The following KMT5A variants were observed in gnomAD, a reference collection of about 807,000 sequenced individuals.
The protein encoded by KMT5A is lysine methyltransferase 5A.
KMT5A carries 6 observed loss-of-function variants against 40.6 expected under a neutral mutation model. The ratio of observed to expected loss-of-function variants is 0.15; its 90% confidence interval spans 0.08 to 0.29. The LOEUF is 0.29. Among genes scored for constraint, KMT5A ranks in the 10% least tolerant of loss-of-function variants. KMT5A has a pLI of 1.00. For missense variants in KMT5A, 308 were observed against 459.1 expected (o/e 0.67, Z 3.01); for synonymous variants, 153 against 178.8 (o/e 0.86, Z 1.15).
In KMT5A at chr12:123,384,618, C is replaced by G. The variant is rs944319111; in HGVS notation, c.10+410C>G. The stretch of plus-strand genomic sequence containing the variant: ...CTCTCTCTTTGGGAAAGGAGGTGAT[C>G]CCGAGGCGAAGGCGCAGATCGATAA... On this transcript the variant is annotated intron_variant, in intron 1 of 7. Transcript: ENST00000402868. The surrounding 1 kb of genome is among the most constrained non-coding windows in gnomAD (Gnocchi z 5.7). Among the ~76,000 whole-genome samples, 1 of 152,258 alleles carries G rather than the reference C, an allele frequency of 6.6e-6. No individual in the cohort carries two copies. Among genetic ancestry groups the G allele is most frequent in the African/African-American group, 2.4e-5 (1 of 41,468 alleles).
In KMT5A at chr12:123,384,380, C is replaced by A. The variant is rs1387623213; in HGVS notation, c.10+172C>A. ...GCTGCTGCGGAACCCGCCGGCCCCC[C>A]CTTGCGGCTCCAGATGCCCCCAGAA... On this transcript the variant is annotated intron_variant, in intron 1 of 7. Coordinates refer to ENST00000402868, the MANE Select transcript of KMT5A (RefSeq NM_020382.7). This position sits in a 1 kb window ranked among gnomAD's most constrained non-coding sequence, Gnocchi z 5.7. Among the ~76,000 whole-genome samples the A allele has an allele frequency of 6.6e-6, 1 of 152,192 alleles. No individual in the cohort carries two copies.
intron 5 of KMT5A, among the ~76,000 whole-genome samples, chr12:123,403,110 T>G (rs544254796): frequency 4.3e-4 from 65 of 152,294 alleles, no homozygotes; most frequent in African/African-American, 1.4e-3. Flanking sequence ...TTTACCTATT[T>G]GCCAGGCTGG....
chr12:123,407,153 T>A (rs1878617045), intron 7 of KMT5A, among the ~76,000 whole-genome samples: 1 of 145,140 alleles, frequency 6.9e-6, no homozygotes, highest in Non-Finnish European at 1.5e-5. Context: ...GCCTGAGCAA[T>A]ATAGGGAGAT....
intron 1 of KMT5A, chr12:123,389,143 G>GCA (rs1212189880): frequency 7.8e-4 from 2 of 2,548 alleles, no homozygotes; most frequent in Non-Finnish European, 1.7e-3. Context: ...GCGGCGGCGA[G>GCA]GGCGCGGGGC....
At chr12:123,388,852 G>A (rs1387155585) in intron 1 of KMT5A, 2 of 149,372 alleles carry the variant, frequency 1.3e-5, no homozygotes, top group Non-Finnish European at 3.0e-5. Context: ...CGCCCGAGCC[G>A]GGATTCGCCG....
Position 123,384,174 on chromosome 12 carries a change from T to C in KMT5A, c.-25T>C, listed in dbSNP as rs763282613. On this transcript the variant is annotated 5_prime_UTR_variant, in exon 1 of 8. Coordinates refer to ENST00000402868, the MANE Select transcript of KMT5A (RefSeq NM_020382.7). The surrounding 1 kb of genome is among the most constrained non-coding windows in gnomAD (Gnocchi z 5.7). Reference sequence around the variant, plus strand: ...TTCGAAAGCTGGGTTTCCCGGGAGATCCCAGGCGGTGACAGAGTGGAGCCA... The same window carrying C: ...TTCGAAAGCTGGGTTTCCCGGGAGACCCCAGGCGGTGACAGAGTGGAGCCA... 1.2e-6 allele frequency: 2 copies of C among 1,613,494 alleles called. No individual in the cohort carries two copies. The highest frequency in any genetic ancestry group is 8.5e-7 in the Non-Finnish European group (1 of 1,179,686).
intron 5 of KMT5A, among the ~76,000 whole-genome samples, chr12:123,397,812 A>G (rs570495384): frequency 6.7e-6 from 1 of 148,184 alleles, no homozygotes; most frequent in African/African-American, 2.5e-5. Flanking sequence ...GACTACAGGC[A>G]TTCGCCACCA....
intron 5 of KMT5A, among the ~76,000 whole-genome samples, chr12:123,397,768 G>A (rs1376080483): frequency 6.7e-6 from 1 of 150,234 alleles, no homozygotes; most frequent in Non-Finnish European, 1.5e-5. Flanking sequence ...TTGGGTTCAA[G>A]TGATTCTCCT....
chr12:123,397,486 ATTCT>A (rs1797171991), intron 5 of KMT5A, among the ~76,000 whole-genome samples: 1 of 152,116 alleles, frequency 6.6e-6, no homozygotes, highest in African/African-American at 2.4e-5. Flanking sequence ...GTGGTCTAGT[ATTCT>A]TTCTCTTTTT....
In KMT5A at chr12:123,392,555, T is replaced by G. The variant is rs922913113; in HGVS notation, c.289+1769T>G. On this transcript the variant is annotated intron_variant, in intron 3 of 7. Transcript: ENST00000402868. ...GGCATGCATCTGTAGTCCCAGCTGC[T>G]TGGGAGGCTAAGGCAGGAGGATCCC... 2.0e-5 allele frequency among the ~76,000 whole-genome samples: 3 copies of G among 152,086 alleles called. No individual in the cohort carries two copies. In the East Asian group the frequency reaches 5.8e-4, roughly 29 times the overall value.
chr12:123,403,663 G>A (rs1878340384), intron 6 of KMT5A, 31 bp downstream of exon 6: 1 of 1,613,694 alleles, frequency 6.2e-7, no homozygotes, highest in African/African-American at 1.3e-5. Context: ...CTGCATCATA[G>A]CTAAAGCTGG....
Position 123,384,135 on chromosome 12 carries a change from T to C in KMT5A, c.-64T>C, listed in dbSNP as rs998550616. On this transcript the variant is annotated 5_prime_UTR_variant, in exon 1 of 8. Coordinates refer to ENST00000402868, the MANE Select transcript of KMT5A (RefSeq NM_020382.7). The surrounding 1 kb of genome is among the most constrained non-coding windows in gnomAD (Gnocchi z 5.7). Reference sequence around the variant, plus strand: ...GAGCCCGGCGGAGCAGTTGGCTGAGTTGTTGCAACTTTTTTCGAAAGCTGG... The same window carrying C: ...GAGCCCGGCGGAGCAGTTGGCTGAGCTGTTGCAACTTTTTTCGAAAGCTGG... The C allele has an allele frequency of 6.2e-7, 1 of 1,601,908 alleles. No homozygotes were observed. The highest frequency in any genetic ancestry group is 1.7e-5 in the Admixed American group (1 of 58,772).
intron 5 of KMT5A, among the ~76,000 whole-genome samples, chr12:123,401,472 A>C (rs28861152): frequency 0.076 from 11,558 of 151,158 alleles, 524 homozygotes; most frequent in South Asian, 0.11. Context: ...CTTATCTTTC[A>C]TATCTTTTAA....
In KMT5A at chr12:123,397,541, A is replaced by G. The variant is rs186084887; in HGVS notation, c.597+1109A>G. 1.5e-4 allele frequency among the ~76,000 whole-genome samples: 23 copies of G among 152,306 alleles called. No individual in the cohort carries two copies. The East Asian group carries it at 4.4e-3, about 29-fold the overall frequency. On this transcript the variant is annotated intron_variant, in intron 5 of 7. Transcript: ENST00000402868. Reference sequence around the variant, plus strand: ...GCTTCATTTAAAAAAAATTTTTAAAAAGGTCCATTTTCTTCCCCACAGAGA... The same window carrying G: ...GCTTCATTTAAAAAAAATTTTTAAAGAGGTCCATTTTCTTCCCCACAGAGA...
intron 5 of KMT5A, among the ~76,000 whole-genome samples, chr12:123,402,141 TGAAGTGTTGG>T (rs1593472118): frequency 6.6e-6 from 1 of 152,228 alleles, no homozygotes; most frequent in Non-Finnish European, 1.5e-5. Context: ...CTGGCTTTCC[TGAAGTGTTGG>T]GATTACAGGA....
chr12:123,385,708 G>A (rs1048280639), intron 1 of KMT5A, among the ~76,000 whole-genome samples: 2 of 151,966 alleles, frequency 1.3e-5, no homozygotes, highest in Non-Finnish European at 2.9e-5. Flanking sequence ...AAAATTAGCC[G>A]GGCATGGCAG....
At position 123,403,559 on chromosome 12, in the gene KMT5A, TTC is replaced by T. The variant is rs1878334199; in HGVS notation, c.598-8_598-7del. 2 of 1,614,130 alleles carry T rather than the reference TTC, an allele frequency of 1.2e-6. No homozygotes were observed. Among genetic ancestry groups the T allele is most frequent in the Non-Finnish European group, 1.7e-6 (2 of 1,179,958 alleles). On this transcript the variant is annotated splice_polypyrimidine_tract_variant and intron_variant, in intron 5 of 7. Transcript: ENST00000402868. ...GAGAAGATACTGATGCTGTTTTTCT[TTC>T]TCTCTGCCCAGTCTGAAGAAAGGAA...
At chr12:123,395,302 GC>G (rs1344377450) in intron 4 of KMT5A, 36 bp downstream of exon 4, 1 of 1,593,102 alleles carries the variant, frequency 6.3e-7, no homozygotes. Context: ...CTAACGTGGA[GC>G]AGTTTGGTTC....
At chr12:123,399,373 G>A (rs1195621960) in intron 5 of KMT5A, among the ~76,000 whole-genome samples, 1 of 152,222 alleles carries the variant, frequency 6.6e-6, no homozygotes, top group Non-Finnish European at 1.5e-5. Flanking sequence ...CCAAATTCCA[G>A]GCCTTTGGGA....
Sources: gnomAD v4.1 joint callset for allele counts (sites outside exome capture counted in the v4.1 genomes callset) on GRCh38, gnomAD v4.1.1 for gene constraint, Gnocchi (gnomAD v3.1) non-coding constraint, MANE v1.5 for transcripts, NCBI Gene and HGNC (gene_info 2026-07-23, HGNC 2026-07-21) for gene names.